The following TRHDE variants were observed in gnomAD, a reference collection of about 807,000 sequenced individuals.
TRHDE encodes thyrotropin-releasing hormone-degrading ectoenzyme.
TRHDE carries 72 observed loss-of-function variants against 125.7 expected under a neutral mutation model. The ratio of observed to expected loss-of-function variants is 0.57; its 90% CI spans 0.47 to 0.70. The LOEUF (loss-of-function observed/expected upper bound fraction) is 0.70, where lower values mean the gene tolerates loss of function less well. Among genes scored for constraint, TRHDE ranks in the 30% least tolerant of loss-of-function variants. The pLI, the probability that TRHDE is intolerant of heterozygous loss-of-function variation, is 0.00. For synonymous variants in TRHDE, 509 were observed against 509.1 expected, an observed-to-expected ratio of 1.00 and a Z score of 0.00; for missense variants, 1,110 against 1,327.1, an observed-to-expected ratio of 0.84 and a Z score of 2.54.
chr12:72,507,585 G>T (rs1358564012), intron 6 of TRHDE, among the ~76,000 whole-genome samples: 1 of 152,180 alleles, frequency 6.6e-6, no homozygotes, highest in African/African-American at 2.4e-5. Flanking sequence ...GAGATGATCT[G>T]AAATTGTATG....
chr12:72,582,516 T>C, intron 12 of TRHDE: 4 of 985,446 alleles, frequency 4.1e-6, no homozygotes, highest in Non-Finnish European at 4.8e-6. Context: ...TTAAGGTTTC[T>C]CTTGCAAAAC....
chr12:72,499,754 A>C, intron 6 of TRHDE, 119 bp downstream of exon 6: 1 of 1,098,734 alleles, frequency 9.1e-7, no homozygotes, highest in Non-Finnish European at 1.3e-6. Flanking sequence ...ACTGTGATTT[A>C]GAAAACAGAG....
chr12:72,506,035 A>G (rs961224890), intron 6 of TRHDE, among the ~76,000 whole-genome samples: 2 of 152,218 alleles, frequency 1.3e-5, no homozygotes, highest in African/African-American at 4.8e-5. Flanking sequence ...ATGATGGCTC[A>G]TGCCTGTAAT....
rs559348386 is a variant in TRHDE, at chr12:72,223,449, G to A, written n.279+117697G>A. Among the ~76,000 whole-genome samples the A allele has an allele frequency of 1.4e-3, 217 of 152,252 alleles. 4 individuals are homozygous for A. Among genetic ancestry groups the A allele is most frequent in the Non-Finnish European group, 3.1e-4 (21 of 68,012 alleles). On this transcript the variant is annotated intron_variant and non_coding_transcript_variant, in intron 2 of 4. Coordinates refer to the TRHDE transcript ENST00000548156. ...AGCCAAATAAAGTAGGCAGGGAAGA[G>A]CATCTTTTCCCATAATTGCTCAAGG...
chr12:72,573,265 T>C (rs1441548516), intron 10 of TRHDE, among the ~76,000 whole-genome samples: 1 of 151,922 alleles, frequency 6.6e-6, no homozygotes, highest in Non-Finnish European at 1.5e-5. Context: ...AAGAATGGTA[T>C]TTTCTCGTTT....
intron 2 of TRHDE, among the ~76,000 whole-genome samples, chr12:72,352,155 G>T (rs1234970238): frequency 6.6e-6 from 1 of 151,496 alleles, no homozygotes; most frequent in African/African-American, 2.4e-5. Context: ...GTAAATTCCA[G>T]AATCCAGTAG....
chr12:72,210,057 G>A (rs1435346129), intron 2 of TRHDE, among the ~76,000 whole-genome samples: 1 of 152,102 alleles, frequency 6.6e-6, no homozygotes, highest in Non-Finnish European at 1.5e-5. Flanking sequence ...ACAGTTTATG[G>A]ATGTTTTTCC....
intron 2 of TRHDE, among the ~76,000 whole-genome samples, chr12:72,358,779 G>A (rs1477859054): frequency 6.6e-6 from 1 of 151,548 alleles, no homozygotes; most frequent in South Asian, 2.1e-4. Context: ...AAGAGAAAAG[G>A]TACAAATATT....
Position 72,664,782 on chromosome 12 carries a change from A to G in TRHDE, c.*1587A>G, listed in dbSNP as rs1875052840. On this transcript the variant is annotated 3_prime_UTR_variant, in exon 19 of 19. Transcript: ENST00000261180. The stretch of plus-strand genomic sequence containing the variant: ...CACTGAATAGTGAAAATAATTAGAC[A>G]TTTTAAGAACCAGAGCCATAGAATT... 1 of 152,098 alleles carries G rather than the reference A, an allele frequency of 6.6e-6. No homozygotes were observed. The highest frequency in any genetic ancestry group is 1.5e-5 in the Non-Finnish European group (1 of 67,990). The allele number at this position is 152,098 out of a possible 1,614,324, so 9.4% of individuals were successfully genotyped here. A position where few individuals can be genotyped will look rare whatever the true frequency, so the allele number is the denominator to read the frequency against.
At chr12:72,470,909 C>G (rs1431463084) in intron 4 of TRHDE, among the ~76,000 whole-genome samples, 1 of 110,148 alleles carries the variant, frequency 9.1e-6, no homozygotes, top group Non-Finnish European at 1.7e-5. Context: ...CTGAGTCTCA[C>G]TCTGTCACCC....
intron 12 of TRHDE, among the ~76,000 whole-genome samples, chr12:72,606,543 C>G (rs1368395204): frequency 2.0e-5 from 3 of 152,090 alleles, no homozygotes; most frequent in African/African-American, 7.2e-5. Context: ...ACTGTTTCCC[C>G]CATTTTATAA....
At chr12:72,256,411 A>T (rs971609908) in intron 2 of TRHDE, 1 of 152,036 alleles carries the variant, frequency 6.6e-6, no homozygotes, top group Non-Finnish European at 1.5e-5. Context: ...ATCCTTGTTC[A>T]AATTTGAGGG....
intron 3 of TRHDE, among the ~76,000 whole-genome samples, chr12:72,463,822 A>G (rs1876239243): frequency 1.3e-5 from 2 of 152,342 alleles, no homozygotes; most frequent in Admixed American, 6.5e-5. Context: ...TTTCTAGCTT[A>G]CAAGATTATT....
intron 3 of TRHDE, among the ~76,000 whole-genome samples, chr12:72,433,722 G>A (rs929638358): frequency 7.9e-5 from 12 of 151,392 alleles, no homozygotes; most frequent in Non-Finnish European, 1.8e-4. Context: ...TTTGGAAGTT[G>A]GTCAAAGACA....
intron 15 of TRHDE, among the ~76,000 whole-genome samples, chr12:72,628,641 C>T (rs571893933): frequency 1.3e-5 from 2 of 151,772 alleles, no homozygotes; most frequent in South Asian, 4.2e-4. Flanking sequence ...GAATATGTCA[C>T]CAAACAAGTG....
chr12:72,425,065 T>A (rs1048927522), intron 3 of TRHDE, among the ~76,000 whole-genome samples: 4 of 152,180 alleles, frequency 2.6e-5, no homozygotes, highest in African/African-American at 9.6e-5. Context: ...AATATTGGTC[T>A]TGTGTTTTAC....
intron 3 of TRHDE, among the ~76,000 whole-genome samples, chr12:72,385,023 T>C (rs1261152562): frequency 6.6e-6 from 1 of 152,156 alleles, no homozygotes; most frequent in Non-Finnish European, 1.5e-5. Flanking sequence ...AGCTCATAGT[T>C]TGAACCTTTT....
chr12:72,405,505 T>C (rs1346406406), intron 3 of TRHDE, among the ~76,000 whole-genome samples: 3 of 152,166 alleles, frequency 2.0e-5, no homozygotes, highest in African/African-American at 4.8e-5. Context: ...TAATTATACT[T>C]TTCCCCAGAG....
At chr12:72,146,960 AG>A (rs941744437) in intron 2 of TRHDE, among the ~76,000 whole-genome samples, 1 of 152,172 alleles carries the variant, frequency 6.6e-6, no homozygotes, top group African/African-American at 2.4e-5. Flanking sequence ...TTTCCCCTGG[AG>A]TCCGGCCGCC....
Sources: allele counts gnomAD v4.1 joint callset (sites outside exome capture counted in the v4.1 genomes callset), GRCh38; gene constraint gnomAD v4.1.1; transcripts MANE v1.5; gene names NCBI Gene and HGNC (gene_info 2026-07-23, HGNC 2026-07-21).